The following CDH12 variants were observed in gnomAD, a reference collection of about 807,000 sequenced individuals.
CDH12 encodes the protein cadherin-12.
A neutral mutation model predicts 74.1 loss-of-function variants in CDH12; 41 were observed. The ratio of observed to expected loss-of-function variants is 0.55; its 90% CI spans 0.43 to 0.72. The LOEUF (loss-of-function observed/expected upper bound fraction) is 0.72, where lower values mean the gene tolerates loss of function less well. CDH12 is among the 30% of genes least tolerant of loss of function. The pLI is 0.00. For synonymous variants in CDH12, 399 were observed against 355.0 expected (o/e 1.12, Z -1.39); for missense variants, 945 against 977.2 (o/e 0.97, Z 0.44).
At chr5:22,415,557 A>G (rs544437954) in intron 2 of CDH12, among the ~76,000 whole-genome samples, 7 of 152,198 alleles carry the variant, frequency 4.6e-5, no homozygotes, top group Non-Finnish European at 1.0e-4. Flanking sequence ...TATGAATACT[A>G]TTCACTGAAG....
intron 4 of CDH12, among the ~76,000 whole-genome samples, chr5:22,118,362 T>C (rs1745292105): frequency 6.6e-6 from 1 of 152,102 alleles, no homozygotes; most frequent in Admixed American, 6.5e-5. Context: ...TTCAGCCTTT[T>C]ACATATCTCG....
At chr5:22,052,614 T>G (rs1740454023) in intron 5 of CDH12, among the ~76,000 whole-genome samples, 1 of 152,190 alleles carries the variant, frequency 6.6e-6, no homozygotes, top group South Asian at 2.1e-4. Flanking sequence ...TTTTTTGATT[T>G]GCAAGATTTG....
rs1364470668 is a variant in CDH12 at position 22,675,886 on chromosome 5, T to TATATATATATATAC, written c.-522-170523_-522-170522insGTATATATATATAT. On this transcript the variant is annotated intron_variant, in intron 1 of 14. Coordinates refer to ENST00000382254, the MANE Select transcript of CDH12 (RefSeq NM_004061.5). Reference sequence around the variant, plus strand: ...TTTGTATCTCATATATATATATATATACTTTTGTTTATATGCTTTGGGGAT... The same window carrying TATATATATATATAC: ...TTTGTATCTCATATATATATATATATATATATATATATACACTTTTGTTTATATGCTTTGGGGAT... Among the ~76,000 whole-genome samples, 74 of 145,276 alleles carry TATATATATATATAC rather than the reference T, an allele frequency of 5.1e-4. 1 individual carries two copies. Among genetic ancestry groups the TATATATATATATAC allele is most frequent in the South Asian group, 6.4e-4 (3 of 4,660 alleles).
intron 1 of CDH12, among the ~76,000 whole-genome samples, chr5:22,561,228 A>T (rs1008825728): frequency 6.6e-6 from 1 of 152,128 alleles, no homozygotes; most frequent in Non-Finnish European, 1.5e-5. Context: ...ATGGCATAAG[A>T]CAGTGTTATA....
chr5:22,148,028 T>G (rs1374025904), intron 4 of CDH12, among the ~76,000 whole-genome samples: 3 of 152,180 alleles, frequency 2.0e-5, no homozygotes, highest in Non-Finnish European at 4.4e-5. Context: ...ACACAAACCA[T>G]GTTATTTTTC....
intron 12 of CDH12, among the ~76,000 whole-genome samples, chr5:21,764,402 AAAAG>A (rs1338448028): frequency 1.3e-5 from 2 of 150,902 alleles, no homozygotes; most frequent in East Asian, 2.0e-4. Flanking sequence ...CAAATTAAAA[AAAAG>A]AAAGAAATTT....
intron 2 of CDH12, among the ~76,000 whole-genome samples, chr5:22,410,748 C>A (rs1743138112): frequency 6.6e-6 from 1 of 151,928 alleles, no homozygotes; most frequent in Non-Finnish European, 1.5e-5. Context: ...TAATGCTAGA[C>A]ATGAAGAAGA....
At position 22,311,148 on chromosome 5, in the gene CDH12, C is replaced by T. The variant is rs559707846; in HGVS notation, c.-333+94109G>A. Reference sequence around the variant, plus strand: ...ATCTAAAGGGAAGAGGTAACTTTCACGCAAGTAGAGAGTTTATTTGAGCCA... The same window carrying T: ...ATCTAAAGGGAAGAGGTAACTTTCATGCAAGTAGAGAGTTTATTTGAGCCA... On this transcript the variant is annotated intron_variant, in intron 3 of 14. Transcript: ENST00000382254. Among the ~76,000 whole-genome samples, 40 of 152,178 alleles carry T rather than the reference C, an allele frequency of 2.6e-4. No homozygotes were observed. The South Asian group carries it at 2.7e-3, about 10-fold the overall frequency.
At chr5:22,716,169 T>G (rs1394365070) in intron 1 of CDH12, among the ~76,000 whole-genome samples, 1 of 151,794 alleles carries the variant, frequency 6.6e-6, no homozygotes, top group Non-Finnish European at 1.5e-5. Flanking sequence ...AACATACATA[T>G]AACTCAATGG....
At chr5:22,307,503 C>T (rs1251236153) in intron 3 of CDH12, among the ~76,000 whole-genome samples, 6 of 152,224 alleles carry the variant, frequency 3.9e-5, no homozygotes, top group African/African-American at 1.4e-4. Flanking sequence ...TTCTTTGATG[C>T]ATCCCAAGCA....
intron 1 of CDH12, among the ~76,000 whole-genome samples, chr5:22,521,301 A>G (rs1455237577): frequency 6.6e-6 from 1 of 151,872 alleles, no homozygotes; most frequent in African/African-American, 2.4e-5. Context: ...GCATTTTTAA[A>G]CTCATCTATT....
chr5:22,129,202 A>G (rs2150284917), intron 4 of CDH12, among the ~76,000 whole-genome samples: 1 of 152,360 alleles, frequency 6.6e-6, no homozygotes, highest in South Asian at 2.1e-4. Context: ...CTTAGGTGAC[A>G]GACTGGCTTG....
intron 1 of CDH12, among the ~76,000 whole-genome samples, chr5:22,625,387 C>T (rs150027798): frequency 4.3e-4 from 66 of 152,262 alleles, no homozygotes; most frequent in African/African-American, 1.5e-3. Flanking sequence ...GAGTGGCCAA[C>T]ACTAACCACA....
At chr5:22,850,973 T>C (rs990927846) in intron 1 of CDH12, among the ~76,000 whole-genome samples, 1 of 152,116 alleles carries the variant, frequency 6.6e-6, no homozygotes, top group Non-Finnish European at 1.5e-5. Flanking sequence ...TATCCCAGAC[T>C]GTTACATGAA....
At chr5:21,900,040 T>C (rs1454448447) in intron 6 of CDH12, among the ~76,000 whole-genome samples, 14 of 152,152 alleles carry the variant, frequency 9.2e-5, no homozygotes, top group Non-Finnish European at 2.1e-4. Context: ...GCTAGATACA[T>C]AGATAGTTAC....
At position 21,918,173 on chromosome 5, in the gene CDH12, TA is replaced by T. The variant is rs555117927; in HGVS notation, c.526+56917del. On this transcript the variant is annotated intron_variant, in intron 6 of 14. Coordinates refer to ENST00000382254, the MANE Select transcript of CDH12 (RefSeq NM_004061.5). ...ATTTTTCACATGTTTCACTGTTCCT[TA>T]AAAATGCTTATAAAATTAGTATTTT... is the stretch of plus-strand genomic sequence containing the variant. 2.3e-3 allele frequency among the ~76,000 whole-genome samples: 346 copies of T among 152,162 alleles called. 3 individuals carry two copies. The highest frequency in any genetic ancestry group is 8.1e-3 in the African/African-American group (337 of 41,550).
intron 1 of CDH12, among the ~76,000 whole-genome samples, chr5:22,788,913 G>C (rs1747776440): frequency 6.6e-6 from 1 of 151,684 alleles, no homozygotes; most frequent in Non-Finnish European, 1.5e-5. Context: ...TGATGTCTTC[G>C]TATGTGGATT....
intron 5 of CDH12, among the ~76,000 whole-genome samples, chr5:22,055,935 T>C (rs1740707579): frequency 6.6e-6 from 1 of 152,152 alleles, no homozygotes; most frequent in Admixed American, 6.6e-5. Flanking sequence ...TTGATAAAAA[T>C]ACATAGTCAT....
At chr5:22,706,170 T>C (rs1254941145) in intron 1 of CDH12, among the ~76,000 whole-genome samples, 2 of 152,084 alleles carry the variant, frequency 1.3e-5, no homozygotes, top group Non-Finnish European at 2.9e-5. Context: ...AATTAGTAGG[T>C]TTCCCCTGGC....
Sources: allele counts gnomAD v4.1 joint callset (sites outside exome capture counted in the v4.1 genomes callset), GRCh38; gene constraint gnomAD v4.1.1; transcripts MANE v1.5; gene names NCBI Gene and HGNC (gene_info 2026-07-23, HGNC 2026-07-21).